Variants in NCS1 observed in about 807,000 individuals in gnomAD.
NCS1 encodes neuronal calcium sensor 1.
In NCS1, 6 loss-of-function variants were observed where a neutral mutation model predicts 28.4. That is an observed-to-expected ratio of 0.21 (90% CI 0.12 to 0.42). NCS1 has a LOEUF of 0.42. Among genes scored for constraint, NCS1 ranks in the 10% least tolerant of loss-of-function variants. NCS1 has a pLI of 1.00. For missense variants in NCS1, 131 were observed against 241.4 expected (o/e 0.54, Z 3.03); for synonymous variants, 86 against 99.3 (o/e 0.87, Z 0.79).
intron 6 of NCS1, among the ~76,000 whole-genome samples, chr9:130,225,778 C>T (rs970163989): frequency 6.6e-6 from 1 of 152,216 alleles, no homozygotes; most frequent in Non-Finnish European, 1.5e-5. Context: ...CGGCACTTAC[C>T]CTCTCTGGAT....
intron 3 of NCS1, among the ~76,000 whole-genome samples, chr9:130,218,527 T>A (rs1833222528): frequency 6.6e-6 from 1 of 152,152 alleles, no homozygotes; most frequent in Non-Finnish European, 1.5e-5. Context: ...CCTCCCATGA[T>A]AATAACAGGA....
At chr9:130,199,363 G>T (rs988276782) in intron 1 of NCS1, among the ~76,000 whole-genome samples, 6 of 152,202 alleles carry the variant, frequency 3.9e-5, no homozygotes, top group East Asian at 3.9e-4. Flanking sequence ...AAAGTGCTGG[G>T]ATTACAGGCG....
At chr9:130,200,462 G>A (rs2131134738) in intron 1 of NCS1, 1 of 989,910 alleles carries the variant, frequency 1.0e-6, no homozygotes, top group Middle Eastern at 2.9e-4. Context: ...GGGACAGGCT[G>A]ACAGGGAGGG....
At chr9:130,227,126 G>A (rs1314702167) in intron 7 of NCS1, among the ~76,000 whole-genome samples, 2 of 152,042 alleles carry the variant, frequency 1.3e-5, no homozygotes, top group Non-Finnish European at 2.9e-5. Context: ...GGACCTGGGA[G>A]AGCAATTTCT....
At chr9:130,184,980 A>T (rs1183725548) in intron 1 of NCS1, among the ~76,000 whole-genome samples, 20 of 152,020 alleles carry the variant, frequency 1.3e-4, no homozygotes, top group Non-Finnish European at 2.8e-4. Context: ...TCAAAAAAAA[A>T]AAAAGGGGCT....
rs1554906225 is a variant in NCS1, at chr9:130,191,163, G to T, written c.65-9795G>T. 2.0e-5 allele frequency among the ~76,000 whole-genome samples: 3 copies of T among 152,214 alleles called. No homozygotes were observed. The highest frequency in any genetic ancestry group is 4.4e-5 in the Non-Finnish European group (3 of 68,032). On this transcript the variant is annotated intron_variant, in intron 1 of 7. Transcript: ENST00000372398. The surrounding 1 kb of genome is among the most constrained non-coding windows in gnomAD (Gnocchi z 6.4). ...CAGGGAGCACGCTGACCCAGGCCAC[G>T]TGGCGACTGGATAGTTGGTAGACCC...
chr9:130,182,821 G>T (rs550845042), intron 1 of NCS1, among the ~76,000 whole-genome samples: 7 of 152,360 alleles, frequency 4.6e-5, no homozygotes, highest in African/African-American at 1.7e-4. Flanking sequence ...GAGTGCCCCT[G>T]GCCATCCTGC....
In NCS1 at chr9:130,180,014, TC is replaced by T. The variant is rs1554905001; in HGVS notation, c.64+7288del. Reference sequence around the variant, plus strand: ...TTCTTTTTATCTATCTATCTATCTATCTATCTATCTATCTATCTATCTATCT... The same window carrying T: ...TTCTTTTTATCTATCTATCTATCTATTATCTATCTATCTATCTATCTATCT... On this transcript the variant is annotated intron_variant, in intron 1 of 7. Coordinates refer to ENST00000372398, the MANE Select transcript of NCS1 (RefSeq NM_014286.4). The surrounding 1 kb of genome is among the most constrained non-coding windows in gnomAD (Gnocchi z 4.5). Among the ~76,000 whole-genome samples, 4 of 144,354 alleles carry T rather than the reference TC, an allele frequency of 2.8e-5. No individual in the cohort carries two copies. Among genetic ancestry groups the T allele is most frequent in the East Asian group, 2.0e-4 (1 of 5,092 alleles). 94.7% of individuals were successfully genotyped at this position (144,354 alleles called of 152,430 possible).
At position 130,237,163 on chromosome 9, in the gene NCS1, C is replaced by T. The variant is rs952498345; in HGVS notation, c.*4191C>T. 8 of 152,188 alleles carry T rather than the reference C, an allele frequency of 5.3e-5. No individual in the cohort carries two copies. The highest frequency in any genetic ancestry group is 3.1e-3 in the Middle Eastern group (1 of 318). 9.4% of individuals were successfully genotyped at this position (152,188 alleles called of 1,614,324 possible). On this transcript the variant is annotated 3_prime_UTR_variant, in exon 8 of 8. Transcript: ENST00000372398. ...GGGGTGCCGTCCTGTCTGAACCTGC[C>T]GGTGTGTGTCTCTGGGGCCAGGGTC...
At position 130,232,290 on chromosome 9, in the gene NCS1, T is replaced by C. The variant is rs1209071555; in HGVS notation, c.*18-700T>C. Reference sequence around the variant, plus strand: ...TGTGTTTCCCTAATGACTAGGGATGTTGGGCATCTTTTCATGTGTTTATCG... The same window carrying C: ...TGTGTTTCCCTAATGACTAGGGATGCTGGGCATCTTTTCATGTGTTTATCG... On this transcript the variant is annotated intron_variant, in intron 7 of 7. Transcript: ENST00000372398. This position sits in a 1 kb window ranked among gnomAD's most constrained non-coding sequence, Gnocchi z 4.4. Among the ~76,000 whole-genome samples, 8 of 152,172 alleles carry C rather than the reference T, an allele frequency of 5.3e-5. No homozygotes were observed. The highest frequency in any genetic ancestry group is 1.9e-4 in the African/African-American group (8 of 41,446).
intron 2 of NCS1, among the ~76,000 whole-genome samples, chr9:130,203,150 T>C: frequency 6.8e-6 from 1 of 147,340 alleles, no homozygotes; most frequent in Non-Finnish European, 1.5e-5. Context: ...TTTTTTTTTT[T>C]TCTTGAGACA....
Position 130,182,523 on chromosome 9 carries a change from C to T in NCS1, c.64+9796C>T, listed in dbSNP as rs78603942. Among the ~76,000 whole-genome samples, 349 of 152,348 alleles carry T rather than the reference C, an allele frequency of 2.3e-3. 5 individuals carry two copies. In the East Asian group the frequency reaches 0.043, roughly 19 times the overall value. On this transcript the variant is annotated intron_variant, in intron 1 of 7. Coordinates refer to ENST00000372398, the MANE Select transcript of NCS1 (RefSeq NM_014286.4). ...GCAGGAGATTTGGGGCAGCCTCCGC[C>T]TTGCCTTCCTCCAGGAAGGAGGCAG...
rs1833357140 is a variant in NCS1 at position 130,223,104 on chromosome 9, A to C, written c.419A>C (p.Glu140Ala). The C allele has an allele frequency of 1.2e-6, 2 of 1,601,160 alleles. No individual in the cohort carries two copies. The highest frequency in any genetic ancestry group is 1.7e-6 in the Non-Finnish European group (2 of 1,172,284). The change falls in exon 6 of 8, where the codon GAG (glutamate) becomes GCG (alanine). Residue 140 changes from glutamate to alanine, a missense_variant. Glu to Ala is a moderately radical substitution (Grantham distance 107, BLOSUM62 -1). This residue lies in a region of NCS1 where 100 missense variants were observed against 210.3 expected (regional missense o/e 0.48). Transcript: ENST00000372398. The part of the protein sequence containing the change: ...QMVGNTVELP[E>A]EENTPEKRVD... ...CAGGGGAATACCGTGGAGCTCCCAG[A>C]GGAGGAGAACACTCCTGAGAAGAGG...
At chr9:130,217,478 C>T (rs1269582764) in intron 2 of NCS1, among the ~76,000 whole-genome samples, 4 of 152,180 alleles carry the variant, frequency 2.6e-5, no homozygotes, top group Admixed American at 6.5e-5. Flanking sequence ...TGCAGGCATG[C>T]GGCTTTGGGG....
At chr9:130,176,178 CTTTCTTTCTTTCTTTCTTT>C (rs1832565902) in intron 1 of NCS1, among the ~76,000 whole-genome samples, 2 of 61,468 alleles carry the variant, frequency 3.3e-5, no homozygotes, top group African/African-American at 1.7e-4. Context: ...TTCTTTCTTT[CTTTCTTTCTTTCTTTCTTT>C]TTTTTTTTTT....
Position 130,212,228 on chromosome 9 carries a change from AG to A in NCS1, c.90-5603del, listed in dbSNP as rs139460574. On this transcript the variant is annotated intron_variant, in intron 2 of 7. Transcript: ENST00000372398. ...TCTCCTGAATAGCCGTTAGAATCAC[AG>A]ATGCTTATGGCGGATCCCCTGAGCT... is the stretch of plus-strand genomic sequence containing the variant. Among the ~76,000 whole-genome samples the A allele has an allele frequency of 3.5e-3, 535 of 152,220 alleles. 2 individuals are homozygous for A. Among genetic ancestry groups the A allele is most frequent in the African/African-American group, 0.012 (510 of 41,530 alleles).
chr9:130,219,863 G>A lies in NCS1; in HGVS notation c.307+60G>A. On this transcript the variant is annotated intron_variant, in intron 4 of 7. Transcript: ENST00000372398. This position sits in a 1 kb window ranked among gnomAD's most constrained non-coding sequence, Gnocchi z 5.7. ...GCTGGAGGGCCCAGGTCAGAGGGAGGCAGCCCTCGGCCCTCACCAGGCAGG... is the reference window on the plus strand; with the variant it reads ...GCTGGAGGGCCCAGGTCAGAGGGAGACAGCCCTCGGCCCTCACCAGGCAGG... The A allele has an allele frequency of 6.4e-7, 1 of 1,554,508 alleles. No homozygotes were observed. Among genetic ancestry groups the A allele is most frequent in the Admixed American group, 1.7e-5 (1 of 59,718 alleles).
At chr9:130,221,413 T>TAGAGAGAG (rs782666520) in intron 4 of NCS1, among the ~76,000 whole-genome samples, 14 of 57,702 alleles carry the variant, frequency 2.4e-4, no homozygotes, top group East Asian at 5.9e-4. Flanking sequence ...TATATATATA[T>TAGAGAGAG]AGAGAGAGAG....
chr9:130,200,293 A>C, intron 1 of NCS1: 1 of 456,492 alleles, frequency 2.2e-6, no homozygotes, highest in Non-Finnish European at 3.9e-6. Flanking sequence ...ACTTTTCAGA[A>C]AAAGCATTTT....
Sources: gnomAD v4.1 joint callset for allele counts (sites outside exome capture counted in the v4.1 genomes callset) on GRCh38, gnomAD v4.1.1 for gene constraint, gnomAD v4.1.1 regional missense constraint, Gnocchi (gnomAD v3.1) non-coding constraint, MANE v1.5 for transcripts, NCBI Gene and HGNC (gene_info 2026-07-23, HGNC 2026-07-21) for gene names.